Variants in OPRM1 observed in about 807,000 individuals in gnomAD.
OPRM1 encodes opioid receptor mu 1, also known as mu-type opioid receptor.
In OPRM1, 27 loss-of-function variants were observed where a neutral mutation model predicts 31.8. The ratio of observed to expected loss-of-function variants is 0.85; its 90% CI spans 0.63 to 1.17. The LOEUF is 1.17. Among genes scored for constraint, OPRM1 ranks in the 50% most tolerant of loss-of-function variants. OPRM1 has a pLI of 0.00. For synonymous variants in OPRM1, 196 were observed against 189.9 expected (o/e 1.03, Z -0.26); for missense variants, 536 against 511.1 (o/e 1.05, Z -0.47).
intron 1 of OPRM1, chr6:154,087,894 G>A (rs1179018317): frequency 6.6e-6 from 1 of 152,062 alleles, no homozygotes; most frequent in Admixed American, 6.6e-5. Flanking sequence ...TATTGCAAGT[G>A]TACCTGCTTA....
chr6:154,029,598 A>G (rs1219313680), intron 1 of OPRM1, among the ~76,000 whole-genome samples: 4 of 152,248 alleles, frequency 2.6e-5, no homozygotes, highest in African/African-American at 9.6e-5. Flanking sequence ...GTTAATATAC[A>G]AGGAAGCACA....
In OPRM1 at chr6:154,130,707, T is replaced by G. The variant is rs1797848179; in HGVS notation, c.*11986T>G. Among the ~76,000 whole-genome samples the G allele has an allele frequency of 6.6e-6, 1 of 151,810 alleles. No individual in the cohort carries two copies. The highest frequency in any genetic ancestry group is 1.5e-5 in the Non-Finnish European group (1 of 67,934). ...CATTATATGAAAGTATATATGCCATTCCATAAAAATATATCTACCAATATA... is the reference window on the plus strand; with the variant it reads ...CATTATATGAAAGTATATATGCCATGCCATAAAAATATATCTACCAATATA... On this transcript the variant is annotated 3_prime_UTR_variant, in exon 4 of 4. Transcript: ENST00000330432.
At chr6:154,085,914 GTCTC>G (rs931928866) in intron 1 of OPRM1, among the ~76,000 whole-genome samples, 1 of 72,190 alleles carries the variant, frequency 1.4e-5, no homozygotes, top group Non-Finnish European at 2.6e-5. Context: ...TTGAGACAGT[GTCTC>G]TCTCTGTTGC....
intron 1 of OPRM1, among the ~76,000 whole-genome samples, chr6:154,033,249 A>G (rs1482527448): frequency 6.6e-6 from 1 of 152,220 alleles, no homozygotes; most frequent in East Asian, 1.9e-4. Context: ...GAAAGTCCCT[A>G]AAGTCCTTGG....
At chr6:154,206,775 T>C (rs1440649509) in intron 3 of OPRM1, among the ~76,000 whole-genome samples, 1 of 152,150 alleles carries the variant, frequency 6.6e-6, no homozygotes, top group Non-Finnish European at 1.5e-5. Context: ...CAGGGGCAAG[T>C]GGTCCTGCAA....
At chr6:154,192,665 G>GA (rs59125446) in intron 3 of OPRM1, among the ~76,000 whole-genome samples, 8,292 of 147,344 alleles carry the variant, frequency 0.056, 329 homozygotes, top group South Asian at 0.2. Context: ...AAATTAGGAA[G>GA]AAAAAAAAAT....
chr6:154,036,076 G>A (rs1779282946), upstream of OPRM1, among the ~76,000 whole-genome samples: 1 of 152,000 alleles, frequency 6.6e-6, no homozygotes, highest in African/African-American at 2.4e-5. Flanking sequence ...GACCAATTGA[G>A]TAGGAAATGA....
At chr6:154,142,419 C>A (rs1798242232) in intron 3 of OPRM1, among the ~76,000 whole-genome samples, 1 of 152,022 alleles carries the variant, frequency 6.6e-6, no homozygotes, top group Admixed American at 6.6e-5. Flanking sequence ...GGACATTCCA[C>A]CAGAAAAGGC....
chr6:154,241,294 C>G (rs1035188778), intron 3 of OPRM1, among the ~76,000 whole-genome samples: 51 of 149,512 alleles, frequency 3.4e-4, no homozygotes, highest in African/African-American at 1.2e-3. Context: ...TTCATTTTTT[C>G]TAGTCAAGGC....
intron 1 of OPRM1, among the ~76,000 whole-genome samples, chr6:154,024,811 A>C (rs1180028915): frequency 2.0e-5 from 3 of 151,940 alleles, no homozygotes; most frequent in African/African-American, 7.2e-5. Flanking sequence ...TTGGTCATTC[A>C]GGAATATATT....
intron 3 of OPRM1, among the ~76,000 whole-genome samples, chr6:154,227,895 CA>C (rs1275657927): frequency 6.6e-6 from 1 of 151,758 alleles, no homozygotes; most frequent in Non-Finnish European, 1.5e-5. Flanking sequence ...ACTTTATAAG[CA>C]GAAGCTTTTT....
chr6:154,208,239 G>A (rs769702973), intron 3 of OPRM1, among the ~76,000 whole-genome samples: 5 of 151,946 alleles, frequency 3.3e-5, no homozygotes, highest in Admixed American at 1.3e-4. Flanking sequence ...GGTTCACCCC[G>A]CGTCAGCCAC....
intron 3 of OPRM1, among the ~76,000 whole-genome samples, chr6:154,191,694 CAACA>C: frequency 6.6e-6 from 1 of 151,124 alleles, no homozygotes; most frequent in South Asian, 2.1e-4. Flanking sequence ...ACAACAACAA[CAACA>C]ACAACAACAA....
chr6:154,041,643 T>G (rs79164724), intron 1 of OPRM1, among the ~76,000 whole-genome samples: 1 of 152,054 alleles, frequency 6.6e-6, no homozygotes, highest in Middle Eastern at 3.4e-3. Context: ...TTTTTTTTTT[T>G]ATTGTGCTGG....
chr6:154,137,967 A>G (rs1484628320), intron 3 of OPRM1, among the ~76,000 whole-genome samples: 1 of 152,246 alleles, frequency 6.6e-6, no homozygotes, highest in African/African-American at 2.4e-5. Context: ...GTTTCCAACT[A>G]ACATGGGGCA....
chr6:154,021,384 T>A (rs1778357310), intron 1 of OPRM1, among the ~76,000 whole-genome samples: 1 of 152,312 alleles, frequency 6.6e-6, no homozygotes, highest in African/African-American at 2.4e-5. Flanking sequence ...AGTCTTGAAG[T>A]CGAATAGTGA....
At chr6:154,054,326 G>C (rs1044776880) in intron 1 of OPRM1, among the ~76,000 whole-genome samples, 8 of 136,748 alleles carry the variant, frequency 5.9e-5, no homozygotes, top group African/African-American at 2.3e-4. Context: ...CTGAAATCGC[G>C]CCACTGCACT....
At chr6:154,141,983 G>A (rs541472017) in intron 3 of OPRM1, among the ~76,000 whole-genome samples, 1 of 152,164 alleles carries the variant, frequency 6.6e-6, no homozygotes, top group Non-Finnish European at 1.5e-5. Context: ...TACACAAGTG[G>A]TTGCTAGTAG....
chr6:154,089,184 TTC>T (rs1163680586), intron 1 of OPRM1, among the ~76,000 whole-genome samples: 3 of 152,152 alleles, frequency 2.0e-5, no homozygotes, highest in Non-Finnish European at 2.9e-5. Context: ...AGCTAAAATT[TTC>T]TCTTTTATAT....
Sources: gnomAD v4.1 joint callset for allele counts (sites outside exome capture counted in the v4.1 genomes callset) on GRCh38, gnomAD v4.1.1 for gene constraint, MANE v1.5 for transcripts, NCBI Gene and HGNC (gene_info 2026-07-23, HGNC 2026-07-21) for gene names.